Variants in GABPB1 observed in about 807,000 individuals in gnomAD.
The protein encoded by GABPB1 is GA-binding protein subunit beta-1.
Under a neutral mutation model 45.9 loss-of-function variants are expected in GABPB1, and 15 were observed. The observed-to-expected ratio is 0.33, with a 90% confidence interval of 0.22 to 0.50. GABPB1 has a LOEUF of 0.50. Among genes scored for constraint, GABPB1 ranks in the 20% least tolerant of loss-of-function variants. The pLI, the probability that GABPB1 is intolerant of heterozygous loss-of-function variation, is 0.98. For missense variants in GABPB1, 252 were observed against 457.5 expected (o/e 0.55, Z 4.10); for synonymous variants, 143 against 154.4 (o/e 0.93, Z 0.55).
chr15:50,329,211 G>C (rs2047870865), intron 1 of GABPB1, among the ~76,000 whole-genome samples: 1 of 152,148 alleles, frequency 6.6e-6, no homozygotes, highest in Non-Finnish European at 1.5e-5. Context: ...TAGGGTTTTA[G>C]AAGAGCTCAC....
At chr15:50,320,189 T>G (rs1318146188) in intron 1 of GABPB1, among the ~76,000 whole-genome samples, 1 of 152,210 alleles carries the variant, frequency 6.6e-6, no homozygotes, top group Non-Finnish European at 1.5e-5. Flanking sequence ...TTTTTTGAGA[T>G]GGAGTTTCGC....
chr15:50,298,518 A>G (rs1221170932), intron 6 of GABPB1, among the ~76,000 whole-genome samples: 1 of 152,254 alleles, frequency 6.6e-6, no homozygotes, highest in Non-Finnish European at 1.5e-5. Context: ...TAGGTTATAA[A>G]AGCAGCATGT....
rs2045847044 is a variant in GABPB1, at chr15:50,277,014, C to CT, written c.*1617dup. ...AGAGTTCTTCAATTTGCCCTAAACT[C>CT]TTTTTTAAGTGCTTCCAATAGTAAC... On this transcript the variant is annotated 3_prime_UTR_variant, in exon 9 of 9. Transcript: ENST00000380877. The CT allele has an allele frequency of 6.6e-6, 1 of 152,106 alleles. No individual in the cohort carries two copies. Among genetic ancestry groups the CT allele is most frequent in the African/African-American group, 2.4e-5 (1 of 41,436 alleles). 9.4% of individuals were successfully genotyped at this position (152,106 alleles called of 1,614,324 possible).
chr15:50,301,764 A>G (rs1197071660), intron 4 of GABPB1, among the ~76,000 whole-genome samples: 1 of 152,174 alleles, frequency 6.6e-6, no homozygotes, highest in Non-Finnish European at 1.5e-5. Context: ...CCCCATCTCA[A>G]AAAACAAAAA....
chr15:50,354,495 G>T (rs577762378), intron 1 of GABPB1: 2 of 449,032 alleles, frequency 4.5e-6, no homozygotes, highest in Admixed American at 4.7e-5. Context: ...GGAGAGCCCG[G>T]CGGGGCCGTC....
Position 50,276,692 on chromosome 15 carries a change from G to A in GABPB1, c.*1940C>T, listed in dbSNP as rs908645525. The A allele has an allele frequency of 6.6e-6, 1 of 152,236 alleles. No individual in the cohort carries two copies. Among genetic ancestry groups the A allele is most frequent in the African/African-American group, 2.4e-5 (1 of 41,464 alleles). The allele number at this position is 152,236 out of a possible 1,614,324, so 9.4% of individuals were successfully genotyped here. Reference sequence around the variant, plus strand: ...CTTGAGTCTTTTCAGGGCCAGCCTGGTCTGAAAGCAAAACTCTACAGTGAT... The same window carrying A: ...CTTGAGTCTTTTCAGGGCCAGCCTGATCTGAAAGCAAAACTCTACAGTGAT... On this transcript the variant is annotated 3_prime_UTR_variant, in exon 9 of 9. Coordinates refer to ENST00000380877, the MANE Select transcript of GABPB1 (RefSeq NM_016654.5).
intron 1 of GABPB1, among the ~76,000 whole-genome samples, chr15:50,343,151 G>A (rs1262852207): frequency 2.6e-5 from 4 of 152,062 alleles, no homozygotes; most frequent in Non-Finnish European, 5.9e-5. Flanking sequence ...CACCCGCCTC[G>A]GCCTCCCAAA....
chr15:50,299,743 T>C (rs1343316448), intron 6 of GABPB1, among the ~76,000 whole-genome samples: 1 of 152,188 alleles, frequency 6.6e-6, no homozygotes, highest in African/African-American at 2.4e-5. Flanking sequence ...TTCCTAGTTC[T>C]ATCAGTCATT....
At chr15:50,302,806 A>G in intron 4 of GABPB1, 123 bp downstream of exon 4, 2 of 678,178 alleles carry the variant, frequency 2.9e-6, no homozygotes, top group Non-Finnish European at 4.8e-6. Context: ...AGGCCTATCC[A>G]AAATAACTAA....
At chr15:50,349,777 C>T (rs572465059) in intron 1 of GABPB1, 1 of 152,288 alleles carries the variant, frequency 6.6e-6, no homozygotes, top group East Asian at 1.9e-4. Flanking sequence ...CTTATGCTAA[C>T]ACATTTAATT....
intron 1 of GABPB1, among the ~76,000 whole-genome samples, chr15:50,321,821 T>C (rs2047581450): frequency 2.0e-5 from 3 of 152,124 alleles, no homozygotes. Context: ...CTTTTTTAAA[T>C]GTAATCTAAA....
chr15:50,291,092 CA>C (rs1567483512), intron 6 of GABPB1, among the ~76,000 whole-genome samples: 1 of 152,162 alleles, frequency 6.6e-6, no homozygotes, highest in East Asian at 1.9e-4. Flanking sequence ...ATGAACCTGA[CA>C]AAAAACAAAA....
chr15:50,318,033 T>C (rs1441433836), intron 1 of GABPB1, among the ~76,000 whole-genome samples: 1 of 152,216 alleles, frequency 6.6e-6, no homozygotes, highest in Non-Finnish European at 1.5e-5. Flanking sequence ...CCAAATTTAG[T>C]TGCCTACAGT....
Position 50,278,024 on chromosome 15 carries a change from GAATATGTACAAACAGAAATTTTTAAA to G in GABPB1, c.*582_*607del, listed in dbSNP as rs2045872184. 6.6e-6 allele frequency: 1 copy of G among 152,492 alleles called. No individual in the cohort carries two copies. Among genetic ancestry groups the G allele is most frequent in the Non-Finnish European group, 1.5e-5 (1 of 68,002 alleles). 9.4% of individuals were successfully genotyped at this position (152,492 alleles called of 1,614,324 possible). A position where few individuals can be genotyped will look rare whatever the true frequency, so the allele number is the denominator to read the frequency against. On this transcript the variant is annotated 3_prime_UTR_variant, in exon 9 of 9. Transcript: ENST00000380877. ...GCATTTTGAAATTATAAAACATGCA[GAATATGTACAAACAGAAATTTTTAAA>G]AATATTTGCTTCATATACATGTAAA... is the stretch of plus-strand genomic sequence containing the variant.
At chr15:50,301,023 G>T in intron 5 of GABPB1, 121 bp from the exon 6 acceptor site, 2 of 791,518 alleles carry the variant, frequency 2.5e-6, no homozygotes, top group Non-Finnish European at 4.0e-6. Context: ...CTTTTGAAAG[G>T]TAATACTGCA....
chr15:50,306,238 G>A (rs1177632242), intron 2 of GABPB1, among the ~76,000 whole-genome samples: 2 of 152,018 alleles, frequency 1.3e-5, no homozygotes, highest in Non-Finnish European at 2.9e-5. Context: ...CAAAGTGCTG[G>A]GATTACAAGC....
At chr15:50,315,216 C>T (rs552791125) in intron 1 of GABPB1, among the ~76,000 whole-genome samples, 12 of 152,266 alleles carry the variant, frequency 7.9e-5, no homozygotes, top group Admixed American at 5.9e-4. Context: ...ACCACAGCCT[C>T]GACCTCCCAG....
At chr15:50,348,725 C>CG (rs1163768128) in intron 1 of GABPB1, among the ~76,000 whole-genome samples, 1 of 151,866 alleles carries the variant, frequency 6.6e-6, no homozygotes, top group Non-Finnish European at 1.5e-5. Context: ...AGCTGGGCGT[C>CG]GTGGCGCGCA....
intron 1 of GABPB1, among the ~76,000 whole-genome samples, chr15:50,328,329 TTCTCCCATCTACC>T (rs1425417365): frequency 6.6e-6 from 1 of 152,158 alleles, no homozygotes; most frequent in African/African-American, 2.4e-5. Context: ...CACTTTCCCT[TTCTCCCATCTACC>T]TCTCCCGTTT....
Sources: gnomAD v4.1 joint callset for allele counts (sites outside exome capture counted in the v4.1 genomes callset) on GRCh38, gnomAD v4.1.1 for gene constraint, MANE v1.5 for transcripts, NCBI Gene and HGNC (gene_info 2026-07-23, HGNC 2026-07-21) for gene names.